The following PRH1 variants were observed in gnomAD, a reference collection of about 807,000 sequenced individuals.
The protein encoded by PRH1 is salivary acidic proline-rich phosphoprotein 1/2.
A neutral mutation model predicts 7.9 loss-of-function variants in PRH1; 7 were observed. That is an observed-to-expected ratio of 0.89 (90% CI 0.50 to 1.67). The LOEUF (loss-of-function observed/expected upper bound fraction) is 1.67, where lower values mean the gene tolerates loss of function less well. Ranked by LOEUF, PRH1 falls within the 40% of genes most tolerant of loss-of-function variation. PRH1 has a pLI of 0.00. For missense variants in PRH1, 109 were observed against 223.6 expected, an observed-to-expected ratio of 0.49 and a Z score of 3.27; for synonymous variants, 45 against 80.8, an observed-to-expected ratio of 0.56 and a Z score of 2.38.
At chr12:11,143,991 T>A (rs955708946) in intron 1 of PRH1, among the ~76,000 whole-genome samples, 2 of 151,950 alleles carry the variant, frequency 1.3e-5, no homozygotes, top group Admixed American at 6.6e-5. Flanking sequence ...CCAGTTGAGG[T>A]GATGGAGGGT....
chr12:11,002,278 T>A (rs573700736), intron 1 of PRH1, among the ~76,000 whole-genome samples: 1 of 152,242 alleles, frequency 6.6e-6, no homozygotes, highest in Admixed American at 6.5e-5. Context: ...CTTCTATAAA[T>A]GTGACTTCAA....
intron 2 of PRH1, among the ~76,000 whole-genome samples, chr12:10,944,341 T>C (rs921065257): frequency 1.3e-5 from 2 of 152,170 alleles, no homozygotes; most frequent in Non-Finnish European, 2.9e-5. Flanking sequence ...GTGTGGCAAT[T>C]GTGAATGGGA....
chr12:11,168,948 G>A (rs1420718427), intron 1 of PRH1, among the ~76,000 whole-genome samples: 1 of 152,184 alleles, frequency 6.6e-6, no homozygotes, highest in Non-Finnish European at 1.5e-5. Flanking sequence ...GCAAACCAAA[G>A]GGTTGAGTAC....
rs1470825081 is a variant in PRH1, at chr12:11,096,782, GTTT to G, written n.124-49597_124-49595del. ...TATTCCATTATTTAAATTTTATGCGGTTTTTGTTTTTTTTGTTGTTGTTGTTGT... is the reference window on the plus strand; with the variant it reads ...TATTCCATTATTTAAATTTTATGCGGTTGTTTTTTTTGTTGTTGTTGTTGT... On this transcript the variant is annotated intron_variant and non_coding_transcript_variant, in intron 1 of 4. Coordinates refer to the PRH1 transcript ENST00000541977. Among the ~76,000 whole-genome samples the G allele has an allele frequency of 2.7e-5, 3 of 112,792 alleles. No homozygotes were observed. In the East Asian group the frequency reaches 6.4e-4, roughly 24 times the overall value. The allele number at this position is 112,792 out of a possible 152,430, so 74.0% of individuals were successfully genotyped here.
chr12:11,087,423 T>C (rs1398096049), intron 1 of PRH1, among the ~76,000 whole-genome samples: 1 of 117,060 alleles, frequency 8.5e-6, no homozygotes, highest in East Asian at 2.1e-4. Context: ...GGTCAGATGC[T>C]ACCTAGAGCT....
In PRH1 at chr12:11,133,699, T is replaced by G. The variant is rs1334949408; in HGVS notation, n.40-12519A>C. ...TCAGAGTGAGGGGTACAAAGTTTGC[T>G]AGCATGGTTAGAGTCATATTTGAAT... On this transcript the variant is annotated intron_variant and non_coding_transcript_variant, in intron 1 of 1. Coordinates refer to the PRH1 transcript ENST00000541175. 1.9e-6 allele frequency: 3 copies of G among 1,614,136 alleles called. No individual in the cohort carries two copies. In the African/African-American group the frequency reaches 4.0e-5, roughly 22 times the overall value.
intron 2 of PRH1, among the ~76,000 whole-genome samples, chr12:10,969,361 C>A (rs974234063): frequency 1.8e-4 from 28 of 152,222 alleles, no homozygotes; most frequent in African/African-American, 6.5e-4. Context: ...CCAAAAAAGG[C>A]AACATTTGAG....
chr12:11,108,551 G>A (rs936015562), intron 1 of PRH1, among the ~76,000 whole-genome samples: 3 of 152,164 alleles, frequency 2.0e-5, no homozygotes, highest in Admixed American at 6.5e-5. Context: ...TGCCTCACCC[G>A]GGAAGTGCAA....
At chr12:11,139,610 G>A (rs913198114) in intron 1 of PRH1, among the ~76,000 whole-genome samples, 2 of 152,060 alleles carry the variant, frequency 1.3e-5, no homozygotes, top group Non-Finnish European at 2.9e-5. Context: ...AAACATGTCA[G>A]TCTTCTTTGT....
At chr12:11,137,301 A>G (rs1032967688) in intron 1 of PRH1, among the ~76,000 whole-genome samples, 3 of 152,242 alleles carry the variant, frequency 2.0e-5, no homozygotes, top group African/African-American at 7.2e-5. Context: ...AGTACTTACA[A>G]GTTTATCAAA....
At chr12:10,935,730 C>CAA (rs973898336) in intron 2 of PRH1, among the ~76,000 whole-genome samples, 4 of 152,058 alleles carry the variant, frequency 2.6e-5, no homozygotes, top group Non-Finnish European at 4.4e-5. Flanking sequence ...AGTTAAATCC[C>CAA]AATATATTCT....
intron 2 of PRH1, chr12:10,929,224 C>T: frequency 6.2e-7 from 1 of 1,612,112 alleles, no homozygotes; most frequent in Admixed American, 1.7e-5. Flanking sequence ...AGGGAGCTGA[C>T]ACGTTTCTCC....
At chr12:10,941,136 T>TGG (rs1341918749) in intron 2 of PRH1, among the ~76,000 whole-genome samples, 2 of 151,914 alleles carry the variant, frequency 1.3e-5, no homozygotes, top group Admixed American at 6.6e-5. Flanking sequence ...CCATGGTGGG[T>TGG]GGGGGGTTGT....
intron 1 of PRH1, among the ~76,000 whole-genome samples, chr12:11,164,725 A>T (rs1191436955): frequency 1.4e-5 from 2 of 145,670 alleles, no homozygotes; most frequent in African/African-American, 2.5e-5. Flanking sequence ...TTTCTACCTA[A>T]TGTGGTCTGA....
At chr12:10,937,834 A>G (rs1203194671) in intron 2 of PRH1, 1 of 154,044 alleles carries the variant, frequency 6.5e-6, no homozygotes, top group Non-Finnish European at 1.4e-5. Context: ...AATATTATAC[A>G]AAAATTAAAA....
At position 11,022,670 on chromosome 12, in the gene PRH1, A is replaced by C. The variant is rs140097337; in HGVS notation, c.-126+24350T>G. ...ATGAACACTTGATTACTAAATGTGCAATAACATTTTCTGCCTTTAAATTCA... is the reference window on the plus strand; with the variant it reads ...ATGAACACTTGATTACTAAATGTGCCATAACATTTTCTGCCTTTAAATTCA... On this transcript the variant is annotated intron_variant, in intron 1 of 3. Transcript: ENST00000539853. 658 of 907,046 alleles carry C rather than the reference A, an allele frequency of 7.3e-4. 2 individuals carry two copies. The African/African-American group carries it at 9.5e-3, about 13-fold the overall frequency. 56.2% of individuals were successfully genotyped at this position (907,046 alleles called of 1,614,324 possible).
Position 11,085,686 on chromosome 12 carries a change from T to C in PRH1, n.124-38498A>G, listed in dbSNP as rs1311970562. ...GAAACTGACTCATATTCAAATACTA[T>C]GTCCTTGTTATAAAATGTCTCATAC... On this transcript the variant is annotated intron_variant and non_coding_transcript_variant, in intron 1 of 4. Coordinates refer to the PRH1 transcript ENST00000541977. Among the ~76,000 whole-genome samples, 4 of 116,514 alleles carry C rather than the reference T, an allele frequency of 3.4e-5. 1 individual carries two copies. The highest frequency in any genetic ancestry group is 3.9e-3 in the Middle Eastern group (1 of 256). 76.4% of individuals were successfully genotyped at this position (116,514 alleles called of 152,430 possible). A position where few individuals can be genotyped will look rare whatever the true frequency, so the allele number is the denominator to read the frequency against.
chr12:10,948,541 A>G (rs534541498), intron 2 of PRH1, among the ~76,000 whole-genome samples: 12 of 152,202 alleles, frequency 7.9e-5, no homozygotes, highest in African/African-American at 2.9e-4. Flanking sequence ...CATTATTGTG[A>G]TTCTTATTTT....
intron 1 of PRH1, among the ~76,000 whole-genome samples, chr12:11,163,831 A>C (rs61928608): frequency 0.74 from 112,733 of 151,402 alleles, 44,433 homozygotes; most frequent in East Asian, 0.96. Flanking sequence ...AGTTTCTAAA[A>C]TCTCACATTT....
Sources: gnomAD v4.1 joint callset for allele counts (sites outside exome capture counted in the v4.1 genomes callset) on GRCh38, gnomAD v4.1.1 for gene constraint, MANE v1.5 for transcripts, NCBI Gene and HGNC (gene_info 2026-07-23, HGNC 2026-07-21) for gene names.